SYT10: variants seen among roughly 807,000 people sequenced by gnomAD.
The protein encoded by SYT10 is synaptotagmin 10.
SYT10 carries 31 observed loss-of-function variants against 51.1 expected under a neutral mutation model. The ratio of observed to expected loss-of-function variants is 0.61; its 90% CI spans 0.46 to 0.82. The LOEUF is 0.82. SYT10 is among the 40% of genes least tolerant of loss of function. SYT10 has a pLI of 0.00. For synonymous variants in SYT10, 233 were observed against 225.9 expected (o/e 1.03, Z -0.28); for missense variants, 603 against 634.0 (o/e 0.95, Z 0.53).
intron 4 of SYT10, 82 bp from the exon 5 acceptor site, chr12:33,382,602 A>G (rs1866125709): frequency 4.5e-6 from 6 of 1,341,040 alleles, no homozygotes; most frequent in Non-Finnish European, 5.0e-6. Context: ...TTTACTAAAT[A>G]AGACCTATAG....
intron 3 of SYT10, among the ~76,000 whole-genome samples, chr12:33,393,822 G>A (rs1347624720): frequency 1.3e-5 from 2 of 152,060 alleles, no homozygotes; most frequent in Non-Finnish European, 2.9e-5. Context: ...CACTACAACT[G>A]CCTAGTTCCT....
chr12:33,400,653 G>A (rs1866295640), intron 3 of SYT10, among the ~76,000 whole-genome samples: 1 of 151,964 alleles, frequency 6.6e-6, no homozygotes, highest in African/African-American at 2.4e-5. Context: ...TAAAAAAAAA[G>A]GAAATCTTTT....
chr12:33,379,581 G>C lies in SYT10; in HGVS notation c.1500+251C>G, dbSNP rs75169640. Among the ~76,000 whole-genome samples, 158 of 62,398 alleles carry C rather than the reference G, an allele frequency of 2.5e-3. 7 individuals are homozygous for C. Among genetic ancestry groups the C allele is most frequent in the Non-Finnish European group, 4.2e-3 (127 of 30,384 alleles). 40.9% of individuals were successfully genotyped at this position (62,398 alleles called of 152,430 possible). A position where few individuals can be genotyped will look rare whatever the true frequency, so the allele number is the denominator to read the frequency against. ...AAAAAAAAAAAAAAAAAAAAAAAAA[G>C]AGACTTGCAAATGGCTTACTGTCCA... On this transcript the variant is annotated intron_variant, in intron 6 of 6. Transcript: ENST00000228567.
chr12:33,432,401 T>C (rs1866604757), intron 1 of SYT10: 1 of 152,118 alleles, frequency 6.6e-6, no homozygotes, highest in African/African-American at 2.4e-5. Flanking sequence ...ATTACTCATA[T>C]ATTTACATTA....
chr12:33,409,658 C>T (rs1244392954), intron 2 of SYT10, among the ~76,000 whole-genome samples: 1 of 151,806 alleles, frequency 6.6e-6, no homozygotes, highest in Admixed American at 6.6e-5. Flanking sequence ...GGACTACAGG[C>T]GCCCCCTACC....
chr12:33,374,922 C>T lies in SYT10; in HGVS notation c.*1908G>A, dbSNP rs1412703403. 6.6e-6 allele frequency: 1 copy of T among 151,946 alleles called. No individual in the cohort carries two copies. The highest frequency in any genetic ancestry group is 2.4e-5 in the African/African-American group (1 of 41,424). 9.4% of individuals were successfully genotyped at this position (151,946 alleles called of 1,614,324 possible). On this transcript the variant is annotated 3_prime_UTR_variant, in exon 7 of 7. Coordinates refer to ENST00000228567, the MANE Select transcript of SYT10 (RefSeq NM_198992.4). Reference sequence around the variant, plus strand: ...GTAATTGCTAATTTACTTTAAGCTGCAGTTATATCTACTAATAAAACAACT... The same window carrying T: ...GTAATTGCTAATTTACTTTAAGCTGTAGTTATATCTACTAATAAAACAACT...
At chr12:33,413,860 A>C (rs1251720909) in intron 2 of SYT10, among the ~76,000 whole-genome samples, 1 of 152,194 alleles carries the variant, frequency 6.6e-6, no homozygotes, top group Non-Finnish European at 1.5e-5. Context: ...AAATGGGCTA[A>C]ATGCTCCAAT....
At chr12:33,411,645 G>A (rs191233743) in intron 2 of SYT10, among the ~76,000 whole-genome samples, 1 of 152,154 alleles carries the variant, frequency 6.6e-6, no homozygotes, top group African/African-American at 2.4e-5. Flanking sequence ...GAGAGAATTG[G>A]CCCCTAATTG....
chr12:33,381,739 G>A (rs1482553840), intron 5 of SYT10, among the ~76,000 whole-genome samples: 1 of 152,104 alleles, frequency 6.6e-6, no homozygotes, highest in Non-Finnish European at 1.5e-5. Flanking sequence ...GAGCTGCATA[G>A]GGGAGGTTGC....
rs773533809 is a variant in SYT10 at position 33,407,012 on chromosome 12, G to A, written c.854C>T (p.Thr285Ile). The change falls in exon 3 of 7, where the codon ACC (threonine) becomes ATC (isoleucine). Residue 285 changes from threonine (T) to isoleucine (I), a missense_variant. Physicochemically the swap from Thr to Ile is moderately conservative, Grantham distance 89 (BLOSUM62 -1). Coordinates refer to ENST00000228567, the MANE Select transcript of SYT10 (RefSeq NM_198992.4). ...LLPDRKKKFQTRVHRKTLNPL... is the reference protein window; with the variant it reads ...LLPDRKKKFQIRVHRKTLNPL... ...ATTTAAAGTCTTTCTGTGCACGCGG[G>A]TCTGAAATTTCTTTTTCCTATCTGG... 3 of 1,614,100 alleles carry A rather than the reference G, an allele frequency of 1.9e-6. No individual in the cohort carries two copies. The highest frequency in any genetic ancestry group is 1.1e-5 in the South Asian group (1 of 91,082).
At chr12:33,420,360 T>G (rs1333151680) in intron 2 of SYT10, among the ~76,000 whole-genome samples, 1 of 152,044 alleles carries the variant, frequency 6.6e-6, no homozygotes, top group Non-Finnish European at 1.5e-5. Flanking sequence ...CTGTGACTAA[T>G]AAAATCAAAC....
At chr12:33,395,850 G>A (rs1296063457) in intron 3 of SYT10, among the ~76,000 whole-genome samples, 15 of 138,382 alleles carry the variant, frequency 1.1e-4, no homozygotes, top group Admixed American at 6.6e-4. Context: ...TTGGACTTCC[G>A]TGTTTCACAA....
intron 1 of SYT10, among the ~76,000 whole-genome samples, chr12:33,430,896 T>A (rs989376247): frequency 6.6e-6 from 1 of 152,158 alleles, no homozygotes; most frequent in Non-Finnish European, 1.5e-5. Flanking sequence ...ATTACCATTA[T>A]AATAATTAGG....
chr12:33,375,792 C>T lies in SYT10; in HGVS notation c.*1038G>A, dbSNP rs1433667490. On this transcript the variant is annotated 3_prime_UTR_variant, in exon 7 of 7. Transcript: ENST00000228567. ...CTTTCTTTAAGAAAATACTGAATTC[C>T]AATGATGAGCTTCTGACTGGGTTTA... 6.6e-6 allele frequency: 1 copy of T among 152,348 alleles called. No individual in the cohort carries two copies. The highest frequency in any genetic ancestry group is 1.5e-5 in the Non-Finnish European group (1 of 67,938). 9.4% of individuals were successfully genotyped at this position (152,348 alleles called of 1,614,324 possible).
At chr12:33,416,285 G>A (rs964856930) in intron 2 of SYT10, among the ~76,000 whole-genome samples, 5 of 151,966 alleles carry the variant, frequency 3.3e-5, no homozygotes, top group African/African-American at 1.2e-4. Context: ...GTTTCATTAT[G>A]TTGGCCAAAC....
chr12:33,408,770 C>T (rs1663031378), intron 2 of SYT10, among the ~76,000 whole-genome samples: 1 of 151,504 alleles, frequency 6.6e-6, no homozygotes, highest in African/African-American at 2.4e-5. Flanking sequence ...ATCATTTTCT[C>T]CCTTTTGCTT....
intron 1 of SYT10, among the ~76,000 whole-genome samples, chr12:33,428,091 T>A (rs1002350259): frequency 3.9e-5 from 6 of 152,138 alleles, no homozygotes. Context: ...CCAGGGTTGC[T>A]GAAATGGGAA....
intron 2 of SYT10, among the ~76,000 whole-genome samples, chr12:33,424,303 T>C (rs145047177): frequency 4.9e-4 from 74 of 152,270 alleles, no homozygotes; most frequent in Non-Finnish European, 9.0e-4. Context: ...ATTTTGGAGA[T>C]AGTATTTTGT....
intron 2 of SYT10, among the ~76,000 whole-genome samples, chr12:33,414,742 T>G (rs1309249980): frequency 6.6e-6 from 1 of 152,186 alleles, no homozygotes; most frequent in African/African-American, 2.4e-5. Flanking sequence ...GATCTAAAAT[T>G]GACACCCTAA....
Sources: gnomAD v4.1 joint callset for allele counts (sites outside exome capture counted in the v4.1 genomes callset) on GRCh38, gnomAD v4.1.1 for gene constraint, MANE v1.5 for transcripts, NCBI Gene and HGNC (gene_info 2026-07-23, HGNC 2026-07-21) for gene names.